The following IQSEC1 variants were observed in gnomAD, a reference collection of about 807,000 sequenced individuals.
IQSEC1 encodes the protein IQ motif and SEC7 domain-containing protein 1.
Under a neutral mutation model 91.0 loss-of-function variants are expected in IQSEC1, and 31 were observed. That is an observed-to-expected ratio of 0.34 (90% CI 0.26 to 0.46). The LOEUF (loss-of-function observed/expected upper bound fraction) is 0.46. Ranked by LOEUF, IQSEC1 falls within the 20% of genes least tolerant of loss-of-function variation. The pLI is 1.00. For missense variants in IQSEC1, 1,388 were observed against 1,575.6 expected (o/e 0.88, Z 2.02); for synonymous variants, 699 against 662.6 (o/e 1.05, Z -0.84).
At chr3:13,256,196 C>T (rs756830496) in intron 1 of IQSEC1, among the ~76,000 whole-genome samples, 41 of 152,136 alleles carry the variant, frequency 2.7e-4, no homozygotes, top group Admixed American at 1.2e-3. Flanking sequence ...AGTCTAGAGA[C>T]GGATAGTGGT....
At chr3:13,033,909 T>C (rs1703937035) in intron 1 of IQSEC1, among the ~76,000 whole-genome samples, 1 of 152,114 alleles carries the variant, frequency 6.6e-6, no homozygotes, top group African/African-American at 2.4e-5. Flanking sequence ...TGACCAGACA[T>C]CCGGTCACCT....
intron 1 of IQSEC1, among the ~76,000 whole-genome samples, chr3:13,037,702 C>G (rs962509186): frequency 1.3e-5 from 2 of 152,194 alleles, no homozygotes; most frequent in Non-Finnish European, 2.9e-5. Context: ...GACATTCTGA[C>G]TCATGCTACA....
intron 1 of IQSEC1, among the ~76,000 whole-genome samples, chr3:13,233,456 G>A (rs17037929): frequency 0.049 from 7,442 of 152,228 alleles, 584 homozygotes; most frequent in African/African-American, 0.17. Context: ...TGAGCCACCC[G>A]CTACCATTTC....
intron 1 of IQSEC1, among the ~76,000 whole-genome samples, chr3:13,045,711 G>A (rs1320253669): frequency 1.3e-5 from 2 of 152,248 alleles, no homozygotes; most frequent in South Asian, 4.1e-4. Flanking sequence ...CGGCGGAGTG[G>A]ACAATTCAGA....
chr3:13,005,084 T>C (rs1032703353), intron 1 of IQSEC1, among the ~76,000 whole-genome samples: 11 of 152,328 alleles, frequency 7.2e-5, no homozygotes, highest in African/African-American at 2.2e-4. Context: ...TCCAAAGTTA[T>C]CTAAAAATTG....
intron 1 of IQSEC1, among the ~76,000 whole-genome samples, chr3:13,016,127 G>A (rs926341573): frequency 5.3e-5 from 8 of 152,186 alleles, no homozygotes; most frequent in Non-Finnish European, 8.8e-5. Flanking sequence ...GGCCAGTCTC[G>A]TCTCCCCATG....
chr3:13,174,176 A>G (rs111396574), intron 1 of IQSEC1, among the ~76,000 whole-genome samples: 3 of 152,280 alleles, frequency 2.0e-5, no homozygotes, highest in African/African-American at 7.2e-5. Flanking sequence ...TTGTGCACAC[A>G]GAAGTAAGAA....
At chr3:13,086,300 G>A (rs557246714) in intron 2 of IQSEC1, among the ~76,000 whole-genome samples, 21 of 150,704 alleles carry the variant, frequency 1.4e-4, no homozygotes, top group South Asian at 2.2e-4. Context: ...TGTGCCCACC[G>A]TGGCGGGGAT....
At chr3:13,206,677 A>T (rs376181562) in intron 1 of IQSEC1, among the ~76,000 whole-genome samples, 5 of 152,254 alleles carry the variant, frequency 3.3e-5, no homozygotes, top group African/African-American at 1.2e-4. Context: ...GAGCCAGGGC[A>T]GGATGAATGT....
chr3:12,978,936 G>C (rs1377545714), intron 1 of IQSEC1, among the ~76,000 whole-genome samples: 1 of 152,186 alleles, frequency 6.6e-6, no homozygotes, highest in African/African-American at 2.4e-5. Context: ...GGTACATGAA[G>C]TGGCAAGGGC....
chr3:13,024,043 C>T (rs187922990), intron 1 of IQSEC1, among the ~76,000 whole-genome samples: 5 of 152,328 alleles, frequency 3.3e-5, no homozygotes, highest in Admixed American at 2.6e-4. Context: ...ACATTACTTC[C>T]CTGTCACTTT....
chr3:13,196,304 C>G (rs1396814046), intron 1 of IQSEC1, among the ~76,000 whole-genome samples: 1 of 152,218 alleles, frequency 6.6e-6, no homozygotes, highest in South Asian at 2.1e-4. Context: ...CCTGAAGCCT[C>G]TGAGTCTTCT....
chr3:12,910,634 G>A (rs1314550738), intron 10 of IQSEC1, among the ~76,000 whole-genome samples: 3 of 152,238 alleles, frequency 2.0e-5, no homozygotes, highest in African/African-American at 4.8e-5. Flanking sequence ...GGCACGTGGG[G>A]AGCAGGGCAT....
chr3:12,936,734 T>C (rs1018622476), intron 2 of IQSEC1, 37 bp from the exon 3 acceptor site: 3 of 1,509,706 alleles, frequency 2.0e-6, no homozygotes, highest in Non-Finnish European at 2.7e-6. Context: ...CAGCACTGCA[T>C]GTAGGCACAG....
intron 1 of IQSEC1, among the ~76,000 whole-genome samples, chr3:13,167,939 G>A (rs1361989096): frequency 1.3e-5 from 2 of 152,338 alleles, no homozygotes; most frequent in Admixed American, 1.3e-4. Flanking sequence ...GGCATGAGCA[G>A]CAGGGTGGAG....
At chr3:12,985,434 G>T (rs1222876955) in intron 1 of IQSEC1, among the ~76,000 whole-genome samples, 1 of 152,118 alleles carries the variant, frequency 6.6e-6, no homozygotes, top group Non-Finnish European at 1.5e-5. Flanking sequence ...GGGAGAGCTG[G>T]TCTCCAACTT....
Position 13,122,229 on chromosome 3 carries a change from G to A in IQSEC1, c.302+41875C>T, listed in dbSNP as rs78273825. Among the ~76,000 whole-genome samples the A allele has an allele frequency of 4.8e-3, 730 of 152,388 alleles. 8 individuals are homozygous for A. The highest frequency in any genetic ancestry group is 0.017 in the African/African-American group (697 of 41,596). The stretch of plus-strand genomic sequence containing the variant: ...GACCTGCAAAAGGTAACGGAGCCAC[G>A]TGAGTGTTCAGGGAAGAATGTGCCA... On this transcript the variant is annotated intron_variant, in intron 2 of 15. Coordinates refer to the IQSEC1 transcript ENST00000648114.
At position 12,967,596 on chromosome 3, in the gene IQSEC1, G is replaced by T; in HGVS notation, c.24-25731C>A. 7.8e-7 allele frequency: 1 copy of T among 1,280,058 alleles called. No individual in the cohort carries two copies. 79.3% of individuals were successfully genotyped at this position (1,280,058 alleles called of 1,614,324 possible). ...ACCACCCGCCACGCGATCACGTCGGGGCTCCTGGTCCAGCGTCCGCCGGCT... is the reference window on the plus strand; with the variant it reads ...ACCACCCGCCACGCGATCACGTCGGTGCTCCTGGTCCAGCGTCCGCCGGCT... On this transcript the variant is annotated intron_variant, in intron 1 of 13. Coordinates refer to ENST00000613206, the MANE Select transcript of IQSEC1 (RefSeq NM_001134382.3). This position sits in a 1 kb window ranked among gnomAD's most constrained non-coding sequence, Gnocchi z 5.9.
intron 2 of IQSEC1, among the ~76,000 whole-genome samples, chr3:13,122,134 G>A (rs1392143316): frequency 1.3e-5 from 2 of 152,244 alleles, no homozygotes; most frequent in African/African-American, 2.4e-5. Context: ...CGAAGGGGCC[G>A]GGCCCGAGTG....
Sources: gnomAD v4.1 joint callset for allele counts (sites outside exome capture counted in the v4.1 genomes callset) on GRCh38, gnomAD v4.1.1 for gene constraint, Gnocchi (gnomAD v3.1) non-coding constraint, MANE v1.5 for transcripts, NCBI Gene and HGNC (gene_info 2026-07-23, HGNC 2026-07-21) for gene names.